ATG7: variants seen among roughly 807,000 people sequenced by gnomAD.
The protein encoded by ATG7 is ubiquitin-like modifier-activating enzyme ATG7.
ATG7 carries 70 observed loss-of-function variants against 82.4 expected under a neutral mutation model. The observed-to-expected ratio is 0.85, with a 90% CI of 0.70 to 1.04. ATG7 has a LOEUF of 1.04. ATG7 is among the 50% of genes least tolerant of loss of function. The pLI, the probability that ATG7 is intolerant of heterozygous loss-of-function variation, is 0.00. For missense variants in ATG7, 792 were observed against 864.3 expected, an observed-to-expected ratio of 0.92 and a Z score of 1.05; for synonymous variants, 287 against 313.0, an observed-to-expected ratio of 0.92 and a Z score of 0.88.
chr3:11,432,077 GGAGA>G lies in ATG7; in HGVS notation c.2079+5153_2079+5156del, dbSNP rs1453278773. On this transcript the variant is annotated intron_variant, in intron 20 of 20. Transcript: ENST00000693202. The stretch of plus-strand genomic sequence containing the variant: ...ACCAAGTTAGTTTTTTATTGGAGGG[GGAGA>G]GGTCAATGTGTGAGGGTGCATAGTG... 5.9e-5 allele frequency among the ~76,000 whole-genome samples: 9 copies of G among 152,252 alleles called. No individual in the cohort carries two copies. In the East Asian group the frequency reaches 1.7e-3, roughly 29 times the overall value.
chr3:11,471,413 T>C (rs1053043066), intron 20 of ATG7, among the ~76,000 whole-genome samples: 1 of 152,208 alleles, frequency 6.6e-6, no homozygotes, highest in East Asian at 1.9e-4. Context: ...AGAAAAAATA[T>C]ATGACTTGGT....
chr3:11,313,241 A>G, intron 7 of ATG7, 63 bp from the exon 8 acceptor site: 1 of 1,070,414 alleles, frequency 9.3e-7, no homozygotes, highest in Non-Finnish European at 1.4e-6. Flanking sequence ...CTACATTAAT[A>G]GATGCATTTC....
the ATG7 span, among the ~76,000 whole-genome samples, chr3:11,567,616 G>C: frequency 6.6e-6 from 1 of 152,192 alleles, no homozygotes; most frequent in Non-Finnish European, 1.5e-5. Context: ...CGATTCAGAA[G>C]ACAGCACAGG....
intron 19 of ATG7, among the ~76,000 whole-genome samples, chr3:11,385,176 T>C (rs959357143): frequency 1.3e-5 from 2 of 152,034 alleles, no homozygotes; most frequent in African/African-American, 4.8e-5. Flanking sequence ...ACTACAGGCG[T>C]GCGCCACCAC....
intron 19 of ATG7, among the ~76,000 whole-genome samples, chr3:11,408,941 A>G (rs1340970238): frequency 2.6e-5 from 4 of 152,078 alleles, no homozygotes; most frequent in Non-Finnish European, 5.9e-5. Context: ...TTACTTGTAT[A>G]TCTTCTTTGG....
At chr3:11,301,884 TAGAATAATTAATTAGAA>T (rs1946841364) in intron 5 of ATG7, among the ~76,000 whole-genome samples, 1 of 152,240 alleles carries the variant, frequency 6.6e-6, no homozygotes. Context: ...TTTTATTCTT[TAGAATAATTAATTAGAA>T]AAATGCAGTT....
At position 11,357,542 on chromosome 3, in the gene ATG7, T is replaced by A. The variant is rs3774067; in HGVS notation, c.1285-876T>A. On this transcript the variant is annotated intron_variant, in intron 14 of 20. Coordinates refer to ENST00000693202, the MANE Select transcript of ATG7 (RefSeq NM_001349232.2). Reference sequence around the variant, plus strand: ...AGAGTTTTTTGTATTTGAGGTTTTTTAAAATGCATATACCCCTGAAAGGAT... The same window carrying A: ...AGAGTTTTTTGTATTTGAGGTTTTTAAAAATGCATATACCCCTGAAAGGAT... Among the ~76,000 whole-genome samples the A allele has an allele frequency of 1.8e-3, 279 of 152,310 alleles. 8 individuals are homozygous for A. The highest frequency in any genetic ancestry group is 0.013 in the Admixed American group (198 of 15,296).
chr3:11,347,976 G>T lies in ATG7; in HGVS notation c.1225G>T (p.Gly409Cys). 1 of 1,614,162 alleles carries T rather than the reference G, an allele frequency of 6.2e-7. No individual in the cohort carries two copies. The highest frequency in any genetic ancestry group is 8.5e-7 in the Non-Finnish European group (1 of 1,179,998). Residue 409 changes from glycine (G) to cysteine (C), a missense_variant, in exon 14 of 21, where the codon GGT becomes TGT. Transcript: ENST00000693202. ...PLYEFEDCLG[G>C]GKPKALAAAD... The stretch of plus-strand genomic sequence containing the variant: ...CTATGAGTTTGAAGATTGCCTAGGG[G>T]GTGGTAAGCCCAAGGCTCTGGCAGC...
chr3:11,550,741 G>A (rs2071697781), intron 20 of ATG7, among the ~76,000 whole-genome samples: 1 of 151,938 alleles, frequency 6.6e-6, no homozygotes, highest in African/African-American at 2.4e-5. Flanking sequence ...AGCCCTTTAT[G>A]GTATGTTGTT....
intron 20 of ATG7, among the ~76,000 whole-genome samples, chr3:11,504,157 A>G (rs1210451160): frequency 6.6e-6 from 1 of 152,180 alleles, no homozygotes; most frequent in Non-Finnish European, 1.5e-5. Context: ...CGAGAGGGGG[A>G]AAAAAGTTGA....
chr3:11,493,346 G>A (rs1463030899), intron 20 of ATG7, among the ~76,000 whole-genome samples: 2 of 152,194 alleles, frequency 1.3e-5, no homozygotes, highest in East Asian at 3.8e-4. Flanking sequence ...TGCCAGCTGA[G>A]CCTGGAGTCT....
intron 11 of ATG7, among the ~76,000 whole-genome samples, chr3:11,340,255 G>C (rs1057367658): frequency 6.6e-6 from 1 of 151,902 alleles, no homozygotes; most frequent in African/African-American, 2.4e-5. Flanking sequence ...ACATTGGCTT[G>C]GCTTGCTTAG....
intron 20 of ATG7, among the ~76,000 whole-genome samples, chr3:11,455,564 A>G (rs2085622753): frequency 6.6e-6 from 1 of 152,148 alleles, no homozygotes; most frequent in Non-Finnish European, 1.5e-5. Context: ...CATTTTTCCT[A>G]AAAGTGATGT....
intron 3 of ATG7, among the ~76,000 whole-genome samples, chr3:11,283,180 A>G (rs558382244): frequency 5.3e-5 from 8 of 152,282 alleles, no homozygotes; most frequent in African/African-American, 1.9e-4. Context: ...TGGGAGACTG[A>G]CCATTTCCTT....
At chr3:11,362,372 T>C (rs1325507993) in intron 16 of ATG7, among the ~76,000 whole-genome samples, 1 of 152,208 alleles carries the variant, frequency 6.6e-6, no homozygotes, top group Non-Finnish European at 1.5e-5. Context: ...AAATTGTTGC[T>C]CCCATCTCAC....
chr3:11,287,020 G>A (rs1944195347), intron 3 of ATG7, among the ~76,000 whole-genome samples: 2 of 152,082 alleles, frequency 1.3e-5, no homozygotes, highest in Non-Finnish European at 2.9e-5. Flanking sequence ...TCCTGCCTCA[G>A]CCTTCCGAAG....
chr3:11,398,719 G>A (rs564151363), intron 19 of ATG7, among the ~76,000 whole-genome samples: 1 of 152,264 alleles, frequency 6.6e-6, no homozygotes, highest in African/African-American at 2.4e-5. Context: ...AGGTGTTATG[G>A]CACATGCCTG....
At chr3:11,332,645 A>G (rs1951816052) in intron 10 of ATG7, 2 of 162,674 alleles carry the variant, frequency 1.2e-5, no homozygotes, top group Admixed American at 1.3e-4. Context: ...GTCCTAGAGG[A>G]TTTTTTCTAA....
intron 3 of ATG7, among the ~76,000 whole-genome samples, chr3:11,292,373 C>T (rs918282649): frequency 6.6e-6 from 1 of 151,798 alleles, no homozygotes; most frequent in African/African-American, 2.4e-5. Context: ...AATTCTCCTG[C>T]GTCAGCCTCC....
Sources: allele counts gnomAD v4.1 joint callset (sites outside exome capture counted in the v4.1 genomes callset), GRCh38; gene constraint gnomAD v4.1.1; transcripts MANE v1.5; gene names NCBI Gene and HGNC (gene_info 2026-07-23, HGNC 2026-07-21).